The following SYK variants were observed in gnomAD, a reference collection of about 807,000 sequenced individuals.
The protein encoded by SYK is tyrosine-protein kinase SYK.
In SYK, 16 loss-of-function variants were observed where a neutral mutation model predicts 77.8. The observed-to-expected ratio is 0.21, with a 90% CI of 0.14 to 0.31. The LOEUF (loss-of-function observed/expected upper bound fraction) is 0.31, where lower values mean the gene tolerates loss of function less well. SYK is among the 10% of genes least tolerant of loss of function. The probability of loss-of-function intolerance (pLI) is 1.00; values close to 1 mark genes in which losing one functional copy is unlikely to be tolerated. For missense variants in SYK, 529 were observed against 814.4 expected (o/e 0.65, Z 4.26); for synonymous variants, 312 against 308.7 (o/e 1.01, Z -0.11).
Position 90,884,867 on chromosome 9 carries a change from A to ACACATATGTGTG in SYK, c.1582-2882_1582-2881insCACATATGTGTG, listed in dbSNP as rs1828471403. On this transcript the variant is annotated intron_variant, in intron 11 of 13. Transcript: ENST00000375754. Reference sequence around the variant, plus strand: ...TATACACACATATGTGTGTATATACATATATACATATATACATATATATAC... The same window carrying ACACATATGTGTG: ...TATACACACATATGTGTGTATATACACACATATGTGTGTATATACATATATACATATATATAC... 8.1e-5 allele frequency among the ~76,000 whole-genome samples: 2 copies of ACACATATGTGTG among 24,680 alleles called. 1 individual carries two copies. Among genetic ancestry groups the ACACATATGTGTG allele is most frequent in the African/African-American group, 5.7e-4 (2 of 3,510 alleles). The allele number at this position is 24,680 out of a possible 152,430, so 16.2% of individuals were successfully genotyped here.
At chr9:90,825,314 T>C (rs114755021) in intron 1 of SYK, among the ~76,000 whole-genome samples, 1,967 of 152,296 alleles carry the variant, frequency 0.013, 43 homozygotes, top group African/African-American at 0.044. Context: ...ATCTGTAGAT[T>C]CAACCCAATC....
chr9:90,811,653 C>T (rs1453933841), intron 1 of SYK, among the ~76,000 whole-genome samples: 1 of 152,088 alleles, frequency 6.6e-6, no homozygotes, highest in Non-Finnish European at 1.5e-5. Context: ...TGCAATGACT[C>T]ATGCCTGTAA....
intron 2 of SYK, 80 bp downstream of exon 2, chr9:90,844,395 T>G: frequency 7.2e-7 from 1 of 1,386,208 alleles, no homozygotes; most frequent in Non-Finnish European, 9.5e-7. Context: ...ATGCAACACA[T>G]GTGCCTATGT....
intron 4 of SYK, among the ~76,000 whole-genome samples, chr9:90,862,777 GAC>G (rs1827328565): frequency 6.6e-6 from 1 of 152,180 alleles, no homozygotes; most frequent in African/African-American, 2.4e-5. Context: ...TTCAGACAAA[GAC>G]ACACAAAATA....
chr9:90,876,297 AAAAAAAAAAGAAAG>A (rs1420865981), intron 9 of SYK, among the ~76,000 whole-genome samples: 30 of 115,212 alleles, frequency 2.6e-4, no homozygotes, highest in African/African-American at 6.7e-4. Flanking sequence ...CAAAAAAAAA[AAAAAAAAAAGAAAG>A]AAAGAAAAAA....
chr9:90,811,068 TA>T (rs5899107), intron 1 of SYK, among the ~76,000 whole-genome samples: 100,687 of 151,830 alleles, frequency 0.66, 33,639 homozygotes, highest in East Asian at 0.82. Flanking sequence ...AAAGAAAACT[TA>T]GGTGAGTTTT....
intron 3 of SYK, among the ~76,000 whole-genome samples, chr9:90,855,221 G>A (rs1022479314): frequency 5.3e-5 from 8 of 152,074 alleles, no homozygotes. Context: ...TGGGATATAC[G>A]TGAATAAAAT....
At position 90,896,268 on chromosome 9, in the gene SYK, T is replaced by G. The variant is rs1828982100; in HGVS notation, c.*668T>G. ...GTTATGAGATGGAAGACTTACATGT[T>G]TGTGATAAAAGGGGACCATGAGAAT... On this transcript the variant is annotated 3_prime_UTR_variant, in exon 14 of 14. Transcript: ENST00000375754. The G allele has an allele frequency of 8.6e-6, 2 of 233,138 alleles. No homozygotes were observed. The highest frequency in any genetic ancestry group is 1.7e-5 in the Non-Finnish European group (2 of 118,064). 14.4% of individuals were successfully genotyped at this position (233,138 alleles called of 1,614,324 possible).
chr9:90,806,332 T>C (rs1253806454), intron 1 of SYK, among the ~76,000 whole-genome samples: 1 of 152,188 alleles, frequency 6.6e-6, no homozygotes, highest in African/African-American at 2.4e-5. Flanking sequence ...TCTTCAGTCT[T>C]GCTATACATA....
At chr9:90,828,682 C>G (rs560148782) in intron 1 of SYK, among the ~76,000 whole-genome samples, 1 of 152,156 alleles carries the variant, frequency 6.6e-6, no homozygotes, top group Admixed American at 6.5e-5. Flanking sequence ...TTTTAATTAC[C>G]AATTGTGTGT....
intron 1 of SYK, among the ~76,000 whole-genome samples, chr9:90,805,334 C>T (rs940503464): frequency 6.6e-6 from 1 of 152,146 alleles, no homozygotes; most frequent in African/African-American, 2.4e-5. Context: ...TTACTGCTGT[C>T]CTGGAGCGCT....
chr9:90,884,880 T>C (rs112974422), intron 11 of SYK, among the ~76,000 whole-genome samples: 1 of 6,464 alleles, frequency 1.5e-4, no homozygotes, highest in Non-Finnish European at 2.2e-4. Context: ...TATACATATA[T>C]ACATATATAT....
chr9:90,844,434 C>G (rs1826501527), intron 2 of SYK, 119 bp downstream of exon 2: 3 of 1,206,726 alleles, frequency 2.5e-6, no homozygotes, highest in Non-Finnish European at 2.2e-6. Flanking sequence ...ACACAACCAT[C>G]TCCTTAAGCA....
chr9:90,884,478 TAC>T lies in SYK; in HGVS notation c.1582-3263_1582-3262del, dbSNP rs149544344. ...ATACACATATGTGTGTACATATACA[TAC>T]ACACACATACACATATGTGTACATG... is the stretch of plus-strand genomic sequence containing the variant. On this transcript the variant is annotated intron_variant, in intron 11 of 13. Coordinates refer to ENST00000375754, the MANE Select transcript of SYK (RefSeq NM_003177.7). 6.2e-3 allele frequency among the ~76,000 whole-genome samples: 80 copies of T among 12,974 alleles called. 37 individuals carry two copies. Among genetic ancestry groups the T allele is most frequent in the South Asian group, 9.3e-3 (3 of 324 alleles). The allele number at this position is 12,974 out of a possible 152,430, so 8.5% of individuals were successfully genotyped here. A position where few individuals can be genotyped will look rare whatever the true frequency, so the allele number is the denominator to read the frequency against.
At chr9:90,816,740 T>G (rs75872220) in intron 1 of SYK, among the ~76,000 whole-genome samples, 3 of 152,254 alleles carry the variant, frequency 2.0e-5, no homozygotes, top group Non-Finnish European at 1.5e-5. Flanking sequence ...TTGTTCTCTG[T>G]TTCTATGAGT....
At chr9:90,802,456 A>G (rs561400382) in intron 1 of SYK, among the ~76,000 whole-genome samples, 10 of 152,292 alleles carry the variant, frequency 6.6e-5, no homozygotes, top group African/African-American at 2.4e-4. Flanking sequence ...AATTTAGCAT[A>G]ATTACTCTTG....
Position 90,895,726 on chromosome 9 carries a change from G to A in SYK, c.*126G>A. 1.2e-6 allele frequency: 1 copy of A among 843,984 alleles called. No individual in the cohort carries two copies. The highest frequency in any genetic ancestry group is 1.9e-6 in the Non-Finnish European group (1 of 526,400). The allele number at this position is 843,984 out of a possible 1,614,324, so 52.3% of individuals were successfully genotyped here. A position where few individuals can be genotyped will look rare whatever the true frequency, so the allele number is the denominator to read the frequency against. ...GGAGAGCCAGGCTTGGATGGAACAT[G>A]CCCACAACTTGTCACCCAAAGCCTG... On this transcript the variant is annotated 3_prime_UTR_variant, in exon 14 of 14. Coordinates refer to ENST00000375754, the MANE Select transcript of SYK (RefSeq NM_003177.7). This position sits in a 1 kb window ranked among gnomAD's most constrained non-coding sequence, Gnocchi z 4.4.
In SYK at chr9:90,809,738, G is replaced by C. The variant is rs77849963; in HGVS notation, c.-42+7845G>C. ...AGAGTGAACTAGAGCCTCGTGGAAA[G>C]TGAGTGCCGAGCCCCTAGCTGTGAG... On this transcript the variant is annotated intron_variant, in intron 1 of 13. Coordinates refer to ENST00000375754, the MANE Select transcript of SYK (RefSeq NM_003177.7). Among the ~76,000 whole-genome samples, 1,411 of 152,322 alleles carry C rather than the reference G, an allele frequency of 9.3e-3. 24 individuals carry two copies. Among genetic ancestry groups the C allele is most frequent in the African/African-American group, 0.032 (1,311 of 41,568 alleles).
At position 90,896,265 on chromosome 9, in the gene SYK, T is replaced by A. The variant is rs1828981835; in HGVS notation, c.*665T>A. On this transcript the variant is annotated 3_prime_UTR_variant, in exon 14 of 14. Coordinates refer to ENST00000375754, the MANE Select transcript of SYK (RefSeq NM_003177.7). ...TCTGTTATGAGATGGAAGACTTACATGTTTGTGATAAAAGGGGACCATGAG... is the reference window on the plus strand; with the variant it reads ...TCTGTTATGAGATGGAAGACTTACAAGTTTGTGATAAAAGGGGACCATGAG... 4.3e-6 allele frequency: 1 copy of A among 232,892 alleles called. No homozygotes were observed. The highest frequency in any genetic ancestry group is 1.8e-4 in the South Asian group (1 of 5,510). 14.4% of individuals were successfully genotyped at this position (232,892 alleles called of 1,614,324 possible). A position where few individuals can be genotyped will look rare whatever the true frequency, so the allele number is the denominator to read the frequency against.
Sources: allele counts gnomAD v4.1 joint callset (sites outside exome capture counted in the v4.1 genomes callset), GRCh38; gene constraint gnomAD v4.1.1; non-coding constraint Gnocchi (gnomAD v3.1); transcripts MANE v1.5; gene names NCBI Gene and HGNC (gene_info 2026-07-23, HGNC 2026-07-21).